GALNT13: variants seen among roughly 807,000 people sequenced by gnomAD.
The protein encoded by GALNT13 is UDP-GalNAc:polypeptide N-acetylgalactosaminyltransferase 13.
Under a neutral mutation model 64.2 loss-of-function variants are expected in GALNT13, and 28 were observed. The ratio of observed to expected loss-of-function variants is 0.44; its 90% CI spans 0.32 to 0.60. The LOEUF is 0.60. Ranked by LOEUF, GALNT13 falls within the 20% of genes least tolerant of loss-of-function variation. The pLI is 0.05. For synonymous variants in GALNT13, 214 were observed against 224.6 expected, an observed-to-expected ratio of 0.95 and a Z score of 0.42; for missense variants, 577 against 669.8, an observed-to-expected ratio of 0.86 and a Z score of 1.53.
At chr2:153,945,379 T>A (rs1028032701) in intron 3 of GALNT13, among the ~76,000 whole-genome samples, 2 of 152,166 alleles carry the variant, frequency 1.3e-5, no homozygotes, top group South Asian at 4.1e-4. Flanking sequence ...ATATTTCTAA[T>A]GTATTCCTAG....
the GALNT13 span, among the ~76,000 whole-genome samples, chr2:153,516,840 T>G: frequency 6.6e-6 from 1 of 152,156 alleles, no homozygotes; most frequent in Admixed American, 6.5e-5. Flanking sequence ...AGATATGCTT[T>G]TATACTTCCT....
the GALNT13 span, among the ~76,000 whole-genome samples, chr2:153,311,661 C>T: frequency 4.7e-3 from 721 of 152,292 alleles, 3 homozygotes; most frequent in Admixed American, 0.012. Context: ...CACTCATAGC[C>T]GCCTCCACAG....
the GALNT13 span, among the ~76,000 whole-genome samples, chr2:153,443,940 T>C: frequency 1.3e-5 from 2 of 152,096 alleles, no homozygotes; most frequent in Admixed American, 1.3e-4. Flanking sequence ...GGTCAGTTTC[T>C]CATAAGGGCC....
intron 3 of GALNT13, among the ~76,000 whole-genome samples, chr2:154,000,249 T>G (rs542616838): frequency 1.4e-3 from 215 of 152,008 alleles, no homozygotes; most frequent in Non-Finnish European, 2.4e-3. Context: ...TATCTGTTCG[T>G]ATTTTCAAAA....
chr2:154,058,003 T>C (rs1326334720), intron 3 of GALNT13, among the ~76,000 whole-genome samples: 1 of 152,192 alleles, frequency 6.6e-6, no homozygotes, highest in Non-Finnish European at 1.5e-5. Flanking sequence ...AAGATATTGT[T>C]ATGGACTGAA....
intron 8 of GALNT13, among the ~76,000 whole-genome samples, chr2:154,263,807 C>G (rs73965415): frequency 0.017 from 2,562 of 152,160 alleles, 67 homozygotes; most frequent in African/African-American, 0.057. Flanking sequence ...CTTGGAGTAA[C>G]AAGTACTAGA....
intron 9 of GALNT13, among the ~76,000 whole-genome samples, chr2:154,353,809 T>G (rs1474318740): frequency 6.6e-6 from 1 of 152,160 alleles, no homozygotes; most frequent in Non-Finnish European, 1.5e-5. Flanking sequence ...CACATTTCCT[T>G]TATCCAGTTG....
chr2:153,390,834 G>A, the GALNT13 span, among the ~76,000 whole-genome samples: 11 of 152,110 alleles, frequency 7.2e-5, no homozygotes, highest in Non-Finnish European at 1.5e-4. Context: ...GCCCTCATTG[G>A]TCCTACATCC....
the GALNT13 span, among the ~76,000 whole-genome samples, chr2:153,524,113 A>C: frequency 3.3e-5 from 5 of 152,072 alleles, no homozygotes; most frequent in African/African-American, 9.7e-5. Context: ...TACATTACTT[A>C]GTTTTTCAAA....
intron 3 of GALNT13, among the ~76,000 whole-genome samples, chr2:154,064,074 A>G (rs1700332656): frequency 1.3e-5 from 2 of 152,186 alleles, no homozygotes; most frequent in Admixed American, 6.6e-5. Context: ...TGCTTGCAGG[A>G]TGGAGAGGCC....
chr2:153,761,187 T>C, the GALNT13 span, among the ~76,000 whole-genome samples: 1 of 152,192 alleles, frequency 6.6e-6, no homozygotes, highest in African/African-American at 2.4e-5. Context: ...AGTAACTCTA[T>C]GTCTTTTTAT....
chr2:153,403,089 T>C, the GALNT13 span, among the ~76,000 whole-genome samples: 1 of 151,734 alleles, frequency 6.6e-6, no homozygotes, highest in Admixed American at 6.6e-5. Flanking sequence ...ATGATGGTGA[T>C]GTACAGATGG....
the GALNT13 span, among the ~76,000 whole-genome samples, chr2:153,644,972 A>T: frequency 1.2e-4 from 18 of 152,206 alleles, no homozygotes; most frequent in South Asian, 1.9e-3. Context: ...TGTTTTTACT[A>T]TTTCAACATT....
chr2:154,198,575 T>C (rs1023931806), intron 4 of GALNT13, among the ~76,000 whole-genome samples: 13 of 152,126 alleles, frequency 8.5e-5, no homozygotes, highest in Non-Finnish European at 1.8e-4. Context: ...CTGAAAATGA[T>C]TGTAACTTCT....
the GALNT13 span, among the ~76,000 whole-genome samples, chr2:153,385,491 T>C: frequency 1.3e-5 from 2 of 151,902 alleles, no homozygotes; most frequent in African/African-American, 4.8e-5. Flanking sequence ...GTCAAAACAA[T>C]TAAACTCATG....
the GALNT13 span, among the ~76,000 whole-genome samples, chr2:153,338,999 T>C: frequency 3.3e-4 from 51 of 152,358 alleles, 1 homozygote; most frequent in South Asian, 9.5e-3. Flanking sequence ...TCTGTATATA[T>C]ACCACATTTT....
chr2:153,779,948 TGG>T, the GALNT13 span, among the ~76,000 whole-genome samples: 14 of 152,202 alleles, frequency 9.2e-5, no homozygotes, highest in Admixed American at 2.6e-4. Flanking sequence ...TTAACATGTG[TGG>T]TGAACGTAAT....
the GALNT13 span, among the ~76,000 whole-genome samples, chr2:153,645,585 G>A: frequency 2.4e-4 from 37 of 151,976 alleles, no homozygotes; most frequent in Admixed American, 2.4e-3. Context: ...ATACAGAGCT[G>A]TTTTTTCACT....
intron 9 of GALNT13, among the ~76,000 whole-genome samples, chr2:154,376,568 G>T (rs1205210276): frequency 2.6e-5 from 4 of 151,988 alleles, no homozygotes; most frequent in Admixed American, 2.0e-4. Context: ...GAGTCTTAAT[G>T]AAATCTCTTA....
Sources: gnomAD v4.1 joint callset for allele counts (sites outside exome capture counted in the v4.1 genomes callset) on GRCh38, gnomAD v4.1.1 for gene constraint, MANE v1.5 for transcripts, NCBI Gene and HGNC (gene_info 2026-07-23, HGNC 2026-07-21) for gene names.